The following RELT variants were observed in gnomAD, a reference collection of about 807,000 sequenced individuals.
The protein encoded by RELT is RELT TNF receptor, also known as tumor necrosis factor receptor superfamily member 19L.
RELT carries 37 observed loss-of-function variants against 51.1 expected under a neutral mutation model. The observed-to-expected ratio is 0.72, with a 90% CI of 0.56 to 0.95. The LOEUF (loss-of-function observed/expected upper bound fraction) is 0.95, where lower values mean the gene tolerates loss of function less well. RELT is among the 40% of genes least tolerant of loss of function. The pLI is 0.00. For missense variants in RELT, 535 were observed against 572.6 expected, an observed-to-expected ratio of 0.93 and a Z score of 0.67; for synonymous variants, 241 against 235.7, an observed-to-expected ratio of 1.02 and a Z score of -0.21.
At chr11:73,386,799 G>C (rs1464406851) in intron 1 of RELT, among the ~76,000 whole-genome samples, 1 of 152,172 alleles carries the variant, frequency 6.6e-6, no homozygotes, top group African/African-American at 2.4e-5. Flanking sequence ...TGCCACCCAG[G>C]GTTGGGGTGG....
Position 73,394,988 on chromosome 11 carries a change from T to G in RELT, c.1047-99T>G. ...GCACCCGGGCCTCTCAGGCTAAGGCTCTGGTCCATGAACTTGCTGTGTGAC... is the reference window on the plus strand; with the variant it reads ...GCACCCGGGCCTCTCAGGCTAAGGCGCTGGTCCATGAACTTGCTGTGTGAC... On this transcript the variant is annotated intron_variant, in intron 9 of 10. Transcript: ENST00000064780. This position sits in a 1 kb window ranked among gnomAD's most constrained non-coding sequence, Gnocchi z 4.9. 8.7e-7 allele frequency: 1 copy of G among 1,149,446 alleles called. No homozygotes were observed. Among genetic ancestry groups the G allele is most frequent in the South Asian group, 1.3e-5 (1 of 74,428 alleles). The allele number at this position is 1,149,446 out of a possible 1,614,324, so 71.2% of individuals were successfully genotyped here.
intron 6 of RELT, chr11:73,393,589 G>T: frequency 3.4e-6 from 5 of 1,458,034 alleles, no homozygotes; most frequent in Non-Finnish European, 4.6e-6. Context: ...TGGAGTTCAC[G>T]TGGCCCTGAA....
At chr11:73,384,126 A>C (rs1437870609) in intron 1 of RELT, among the ~76,000 whole-genome samples, 2 of 152,090 alleles carry the variant, frequency 1.3e-5, no homozygotes, top group Non-Finnish European at 2.9e-5. Context: ...CATCTCCCCC[A>C]GTGCGGCCTC....
rs762998294 is a variant in RELT at position 73,394,600 on chromosome 11, C to T, written c.912C>T (p.Pro304=). The part of the protein sequence containing the change: ...CCSRCSQKKW[P]EVLLSPEAVA... ...CCCGCTGTAGCCAGAAGAAGTGGCC[C>T]GAGGTGCTGCTGTCCCCTGAGGCTG... The change falls in exon 9 of 11, where the codon CCC becomes CCT. Residue 304 remains proline, a synonymous_variant. Transcript: ENST00000064780. This position sits in a 1 kb window ranked among gnomAD's most constrained non-coding sequence, Gnocchi z 4.9. 4.2e-5 allele frequency: 67 copies of T among 1,613,148 alleles called. No individual in the cohort carries two copies. In the East Asian group the frequency reaches 4.5e-4, roughly 11 times the overall value.
Position 73,391,148 on chromosome 11 carries a change from T to C in RELT, c.292T>C (p.Phe98Leu), listed in dbSNP as rs1430857311. 6.2e-7 allele frequency: 1 copy of C among 1,613,614 alleles called. No individual in the cohort carries two copies. Residue 98 changes from phenylalanine to leucine, a missense_variant, in exon 5 of 11, where the codon TTT becomes CTT. By Grantham distance (22) the Phe-to-Leu change is conservative (BLOSUM62 0). Coordinates refer to ENST00000064780, the MANE Select transcript of RELT (RefSeq NM_152222.2). ...TLCGDCWPGWFGPWGVPRVPC... is the reference protein window; with the variant it reads ...TLCGDCWPGWLGPWGVPRVPC... The stretch of plus-strand genomic sequence containing the variant: ...TGGTATCTTCCCTCCTCGCAGGTGG[T>C]TTGGGCCTTGGGGGGTTCCCCGCGT...
Position 73,396,764 on chromosome 11 carries a change from C to T in RELT, c.*1273C>T, listed in dbSNP as rs920416831. 2 of 152,336 alleles carry T rather than the reference C, an allele frequency of 1.3e-5. No individual in the cohort carries two copies. The highest frequency in any genetic ancestry group is 6.5e-5 in the Admixed American group (1 of 15,292). The allele number at this position is 152,336 out of a possible 1,614,324, so 9.4% of individuals were successfully genotyped here. On this transcript the variant is annotated 3_prime_UTR_variant, in exon 11 of 11. Coordinates refer to ENST00000064780, the MANE Select transcript of RELT (RefSeq NM_152222.2). ...CTGCCCTCCCCTCACAGTTCCTGCACCTCAGCAGCCAGGGAAGCAGGGCCC... is the reference window on the plus strand; with the variant it reads ...CTGCCCTCCCCTCACAGTTCCTGCATCTCAGCAGCCAGGGAAGCAGGGCCC...
chr11:73,393,626 G>A (rs1174545439), intron 6 of RELT: 1 of 1,518,142 alleles, frequency 6.6e-7, no homozygotes, highest in Non-Finnish European at 8.8e-7. Context: ...GCTGTTGGGT[G>A]CAGGAAGCAC....
rs1482422125 is a variant in RELT at position 73,393,837 on chromosome 11, G to GA, written c.628dup (p.Ile210AsnfsTer8). On this transcript the variant is annotated frameshift_variant and splice_region_variant, in exon 7 of 11. Transcript: ENST00000064780. LOFTEE classifies it high-confidence loss of function. ...GGATCAGGGCCCTTCTCTTCCCCAG[G>GA]AATCAACCCTGCCTACCGGACTGAG... The GA allele has an allele frequency of 1.2e-6, 2 of 1,613,938 alleles. No individual in the cohort carries two copies. The highest frequency in any genetic ancestry group is 1.1e-5 in the South Asian group (1 of 91,062).
Position 73,389,123 on chromosome 11 carries a change from C to G in RELT, c.-14C>G, listed in dbSNP as rs1249569826. ...TCCATCTGCCCTAGGCCGGCGACCACCAGGGGCCTGAGGATGAAGCCAAGT... is the reference window on the plus strand; with the variant it reads ...TCCATCTGCCCTAGGCCGGCGACCAGCAGGGGCCTGAGGATGAAGCCAAGT... On this transcript the variant is annotated 5_prime_UTR_variant, in exon 2 of 11. Coordinates refer to ENST00000064780, the MANE Select transcript of RELT (RefSeq NM_152222.2). 6.5e-7 allele frequency: 1 copy of G among 1,546,132 alleles called. No individual in the cohort carries two copies. Among genetic ancestry groups the G allele is most frequent in the Non-Finnish European group, 8.7e-7 (1 of 1,145,174 alleles).
In RELT at chr11:73,394,052, C is replaced by T. The variant is rs2134455566; in HGVS notation, c.706+135C>T. The T allele has an allele frequency of 2.0e-6, 2 of 1,001,870 alleles. No homozygotes were observed. The highest frequency in any genetic ancestry group is 2.5e-5 in the East Asian group (1 of 39,958). 62.1% of individuals were successfully genotyped at this position (1,001,870 alleles called of 1,614,324 possible). On this transcript the variant is annotated intron_variant, in intron 7 of 10. Transcript: ENST00000064780. The surrounding 1 kb of genome is among the most constrained non-coding windows in gnomAD (Gnocchi z 4.9). ...CCAGGGTGCCTCAAGCAGCCTGGTG[C>T]TCTCTGACCCAGGAGTGCACACCTC...
Position 73,395,234 on chromosome 11 carries a change from T to A in RELT, c.1194T>A (p.Ser398Arg), listed in dbSNP as rs181358596. 4.3e-6 allele frequency: 7 copies of A among 1,613,054 alleles called. No homozygotes were observed. In the African/African-American group the frequency reaches 9.3e-5, roughly 22 times the overall value. Residue 398 changes from serine (S) to arginine (R), a missense_variant, in exon 10 of 11, where the codon AGT (serine) becomes AGA (arginine). Transcript: ENST00000064780. ...LPPEQQALLG[S>R]GGSRTKWLKP... Reference sequence around the variant, plus strand: ...CTGAGCAGCAGGCCCTGCTAGGAAGTGGCGGAAGCCGTACAAAGTGGCTGA... The same window carrying A: ...CTGAGCAGCAGGCCCTGCTAGGAAGAGGCGGAAGCCGTACAAAGTGGCTGA...
At position 73,397,009 on chromosome 11, in the gene RELT, T is replaced by C. The variant is rs568413582; in HGVS notation, c.*1518T>C. ...ATCAGTATAAAAAGTGTGAATGAGC[T>C]GTTTTTGCTTTTGCTTTGAAATCTG... On this transcript the variant is annotated 3_prime_UTR_variant, in exon 11 of 11. Coordinates refer to ENST00000064780, the MANE Select transcript of RELT (RefSeq NM_152222.2). The C allele has an allele frequency of 1.3e-4, 20 of 152,354 alleles. No homozygotes were observed. The highest frequency in any genetic ancestry group is 4.6e-4 in the African/African-American group (19 of 41,578). The allele number at this position is 152,354 out of a possible 1,614,324, so 9.4% of individuals were successfully genotyped here.
rs952535205 is a variant in RELT at position 73,388,328 on chromosome 11, C to T, written c.-25-784C>T. On this transcript the variant is annotated intron_variant, in intron 1 of 10. Coordinates refer to ENST00000064780, the MANE Select transcript of RELT (RefSeq NM_152222.2). This position sits in a 1 kb window ranked among gnomAD's most constrained non-coding sequence, Gnocchi z 4.1. ...CATACCGATTTCTCCAGTGCCCGCA[C>T]GCAGTAGGTGCTGGAGAGATGACAA... 1.3e-5 allele frequency among the ~76,000 whole-genome samples: 2 copies of T among 152,238 alleles called. No individual in the cohort carries two copies. Among genetic ancestry groups the T allele is most frequent in the African/African-American group, 4.8e-5 (2 of 41,460 alleles).
rs376195819 is a variant in RELT, at chr11:73,394,851, C to T, written c.1046+117C>T. Reference sequence around the variant, plus strand: ...CACCCTGCTCAATGGGAGCCCTGCCCTTATTGGGCCTCTCTGGGCAGTGGA... The same window carrying T: ...CACCCTGCTCAATGGGAGCCCTGCCTTTATTGGGCCTCTCTGGGCAGTGGA... On this transcript the variant is annotated intron_variant, in intron 9 of 10. Transcript: ENST00000064780. The surrounding 1 kb of genome is among the most constrained non-coding windows in gnomAD (Gnocchi z 4.9). 1.1e-3 allele frequency: 1,358 copies of T among 1,263,624 alleles called. 24 individuals carry two copies. In the South Asian group the frequency reaches 0.018, roughly 17 times the overall value. 78.3% of individuals were successfully genotyped at this position (1,263,624 alleles called of 1,614,324 possible). A position where few individuals can be genotyped will look rare whatever the true frequency, so the allele number is the denominator to read the frequency against.
At chr11:73,387,737 T>A (rs2134446589) in intron 1 of RELT, among the ~76,000 whole-genome samples, 1 of 152,216 alleles carries the variant, frequency 6.6e-6, no homozygotes, top group Non-Finnish European at 1.5e-5. Context: ...ATCGGTTTCC[T>A]GGGCTGCTAT....
intron 5 of RELT, among the ~76,000 whole-genome samples, chr11:73,391,660 G>A (rs749456897): frequency 2.0e-5 from 3 of 152,164 alleles, no homozygotes; most frequent in South Asian, 2.1e-4. Context: ...GCCGGGCGTG[G>A]TGGTGCTACT....
rs1865967337 is a variant in RELT, at chr11:73,376,447, CGCG to C, written c.-74_-72del. The C allele has an allele frequency of 6.6e-6, 1 of 152,006 alleles. No homozygotes were observed. The highest frequency in any genetic ancestry group is 2.4e-5 in the African/African-American group (1 of 41,414). The allele number at this position is 152,006 out of a possible 1,614,324, so 9.4% of individuals were successfully genotyped here. Reference sequence around the variant, plus strand: ...TGTCCGGGCGCTCGCCGAGCCGGGCCGCGGCGCCGAGTCGAACGGGGAGCCGAG... The same window carrying C: ...TGTCCGGGCGCTCGCCGAGCCGGGCCGCGCCGAGTCGAACGGGGAGCCGAG... On this transcript the variant is annotated 5_prime_UTR_variant, in exon 1 of 11. Transcript: ENST00000064780.
intron 1 of RELT, among the ~76,000 whole-genome samples, chr11:73,377,766 C>T (rs543263720): frequency 6.7e-6 from 1 of 149,848 alleles, no homozygotes; most frequent in Admixed American, 6.6e-5. Flanking sequence ...TGTGAATCAT[C>T]ACTTTGGGAT....
intron 1 of RELT, among the ~76,000 whole-genome samples, chr11:73,387,015 G>A (rs113204510): frequency 0.079 from 11,853 of 150,460 alleles, 595 homozygotes; most frequent in Non-Finnish European, 0.1. Context: ...GCACAATCTC[G>A]GCTCACTGCA....
Sources: allele counts gnomAD v4.1 joint callset (sites outside exome capture counted in the v4.1 genomes callset), GRCh38; gene constraint gnomAD v4.1.1; non-coding constraint Gnocchi (gnomAD v3.1); transcripts MANE v1.5; gene names NCBI Gene and HGNC (gene_info 2026-07-23, HGNC 2026-07-21).